The following RALYL variants were observed in gnomAD, a reference collection of about 807,000 sequenced individuals.
RALYL encodes the protein RNA-binding Raly-like protein.
A neutral mutation model predicts 35.1 loss-of-function variants in RALYL; 29 were observed. The ratio of observed to expected loss-of-function variants is 0.83; its 90% CI spans 0.61 to 1.13. The LOEUF (loss-of-function observed/expected upper bound fraction) is 1.13. Ranked by LOEUF, RALYL falls within the 50% of genes most tolerant of loss-of-function variation. The pLI is 0.00. For missense variants in RALYL, 359 were observed against 360.4 expected, an observed-to-expected ratio of 1.00 and a Z score of 0.03; for synonymous variants, 120 against 127.6, an observed-to-expected ratio of 0.94 and a Z score of 0.40.
intron 2 of RALYL, among the ~76,000 whole-genome samples, chr8:84,594,205 C>A (rs1032802555): frequency 5.3e-5 from 8 of 152,060 alleles, no homozygotes; most frequent in African/African-American, 1.9e-4. Flanking sequence ...GCATTAACAT[C>A]TCTGAAATAT....
intron 2 of RALYL, among the ~76,000 whole-genome samples, chr8:84,603,555 T>A (rs1247771179): frequency 6.6e-6 from 1 of 152,018 alleles, no homozygotes; most frequent in African/African-American, 2.4e-5. Flanking sequence ...GGCTTCACAG[T>A]CACACCGTGA....
At chr8:84,417,691 A>G (rs1035883022) in intron 1 of RALYL, among the ~76,000 whole-genome samples, 2 of 152,078 alleles carry the variant, frequency 1.3e-5, no homozygotes, top group African/African-American at 4.8e-5. Flanking sequence ...TAGATTTCCC[A>G]CACTTAAATA....
intron 7 of RALYL, among the ~76,000 whole-genome samples, chr8:84,881,240 A>C (rs1310731356): frequency 3.3e-5 from 5 of 151,972 alleles, no homozygotes; most frequent in Non-Finnish European, 5.9e-5. Context: ...TATTTTTCTA[A>C]ATGGAATTTA....
At chr8:84,353,192 T>C (rs904707350) in intron 1 of RALYL, among the ~76,000 whole-genome samples, 1 of 150,186 alleles carries the variant, frequency 6.7e-6, no homozygotes, top group African/African-American at 2.5e-5. Context: ...ACCCTCTATG[T>C]CCCGGACTGT....
intron 1 of RALYL, among the ~76,000 whole-genome samples, chr8:84,522,246 G>GA (rs1437954358): frequency 7.4e-6 from 1 of 134,310 alleles, no homozygotes; most frequent in Non-Finnish European, 1.5e-5. Flanking sequence ...TGATAGAAAG[G>GA]AAATTTTTTT....
intron 2 of RALYL, among the ~76,000 whole-genome samples, chr8:84,594,215 T>C (rs954827218): frequency 5.9e-5 from 9 of 152,076 alleles, no homozygotes; most frequent in African/African-American, 2.2e-4. Flanking sequence ...CTCTGAAATA[T>C]GTATTTTCAC....
chr8:84,859,291 G>A (rs905033190), intron 5 of RALYL, among the ~76,000 whole-genome samples: 2 of 152,256 alleles, frequency 1.3e-5, no homozygotes, highest in South Asian at 2.1e-4. Flanking sequence ...AAGGTGGCAG[G>A]ATGAGGAGGG....
intron 2 of RALYL, among the ~76,000 whole-genome samples, chr8:84,638,517 A>G (rs1230924058): frequency 6.6e-6 from 1 of 151,914 alleles, no homozygotes; most frequent in African/African-American, 2.4e-5. Context: ...ATGAAACAAA[A>G]AGCTTGTTCT....
In RALYL at chr8:84,789,085, C is replaced by T. The variant is rs558142930; in HGVS notation, c.332+14431C>T. On this transcript the variant is annotated intron_variant, in intron 3 of 8. Coordinates refer to ENST00000521268, the MANE Select transcript of RALYL (RefSeq NM_173848.7). ...AACGGAATAAAGTCCAGGTTGTAGCCTTAGTATGCAGAGCGTGGGACATGA... is the reference window on the plus strand; with the variant it reads ...AACGGAATAAAGTCCAGGTTGTAGCTTTAGTATGCAGAGCGTGGGACATGA... Among the ~76,000 whole-genome samples, 6 of 152,184 alleles carry T rather than the reference C, an allele frequency of 3.9e-5. No homozygotes were observed. In the South Asian group the frequency reaches 1.0e-3, roughly 26 times the overall value.
intron 1 of RALYL, among the ~76,000 whole-genome samples, chr8:84,471,574 C>G (rs1017113887): frequency 8.5e-5 from 13 of 152,098 alleles, no homozygotes; most frequent in African/African-American, 3.1e-4. Flanking sequence ...ATAACAATAA[C>G]AGCAACAACA....
chr8:84,318,916 C>T lies in RALYL; in HGVS notation c.-24+134492C>T, dbSNP rs1468492015. ...TTCCTCCTCATAAAAGTCTTACAGGCTTTATTTGTGGAGAATAGAATGGCC... is the reference window on the plus strand; with the variant it reads ...TTCCTCCTCATAAAAGTCTTACAGGTTTTATTTGTGGAGAATAGAATGGCC... On this transcript the variant is annotated intron_variant, in intron 1 of 8. Transcript: ENST00000521268. Among the ~76,000 whole-genome samples, 5 of 152,264 alleles carry T rather than the reference C, an allele frequency of 3.3e-5. No homozygotes were observed. The East Asian group carries it at 9.6e-4, about 29-fold the overall frequency.
intron 5 of RALYL, among the ~76,000 whole-genome samples, chr8:84,859,228 G>A (rs922248767): frequency 3.3e-5 from 5 of 152,122 alleles, no homozygotes; most frequent in African/African-American, 4.8e-5. Context: ...CCGATTGGTT[G>A]CGGGAGGGGA....
intron 2 of RALYL, among the ~76,000 whole-genome samples, chr8:84,751,652 G>C (rs1810049946): frequency 1.3e-5 from 2 of 152,052 alleles, no homozygotes. Flanking sequence ...TCTCCCTTTG[G>C]TGCTGTTCTC....
intron 8 of RALYL, among the ~76,000 whole-genome samples, chr8:84,916,450 C>T (rs10105658): frequency 1.1e-4 from 16 of 151,486 alleles, no homozygotes; most frequent in South Asian, 2.1e-4. Flanking sequence ...GAGGTAATTG[C>T]GTAATGGGGG....
intron 1 of RALYL, among the ~76,000 whole-genome samples, chr8:84,289,718 A>G (rs1838391777): frequency 6.6e-6 from 1 of 152,072 alleles, no homozygotes; most frequent in South Asian, 2.1e-4. Context: ...TAAAAGATAT[A>G]TTTTTTGTTC....
At chr8:84,258,168 T>A (rs946213531) in intron 1 of RALYL, among the ~76,000 whole-genome samples, 1 of 152,090 alleles carries the variant, frequency 6.6e-6, no homozygotes, top group Non-Finnish European at 1.5e-5. Flanking sequence ...AGGATTGTGG[T>A]GGTGGGGTTT....
chr8:84,423,803 T>C (rs2045987690), intron 1 of RALYL, among the ~76,000 whole-genome samples: 1 of 151,646 alleles, frequency 6.6e-6, no homozygotes, highest in Non-Finnish European at 1.5e-5. Context: ...TCTCCTTCAC[T>C]TATGAAGCTT....
chr8:84,328,829 G>A (rs1470330422), intron 1 of RALYL, among the ~76,000 whole-genome samples: 1 of 152,104 alleles, frequency 6.6e-6, no homozygotes, highest in Non-Finnish European at 1.5e-5. Flanking sequence ...CCAGTGTTTA[G>A]GTCCTACTTA....
At chr8:84,595,763 GTTTT>G (rs35714907) in intron 2 of RALYL, among the ~76,000 whole-genome samples, 1 of 120,192 alleles carries the variant, frequency 8.3e-6, no homozygotes, top group Admixed American at 8.6e-5. Flanking sequence ...AAAACCATAA[GTTTT>G]TTTTTTTTTT....
Sources: allele counts gnomAD v4.1 joint callset (sites outside exome capture counted in the v4.1 genomes callset), GRCh38; gene constraint gnomAD v4.1.1; transcripts MANE v1.5; gene names NCBI Gene and HGNC (gene_info 2026-07-23, HGNC 2026-07-21).